Variants in COL6A2 observed in about 807,000 individuals in gnomAD.
COL6A2 encodes collagen type VI alpha 2 chain, also known as collagen alpha-2(VI) chain.
A neutral mutation model predicts 124.9 loss-of-function variants in COL6A2; 90 were observed. That is an observed-to-expected ratio of 0.72 (90% CI 0.61 to 0.86). COL6A2 has a LOEUF of 0.86. Among genes scored for constraint, COL6A2 ranks in the 40% least tolerant of loss-of-function variants. The probability of loss-of-function intolerance (pLI) is 0.00; values close to 1 mark genes in which losing one functional copy is unlikely to be tolerated. For synonymous variants in COL6A2, 793 were observed against 618.2 expected, an observed-to-expected ratio of 1.28 and a Z score of -4.19; for missense variants, 1,607 against 1,502.5, an observed-to-expected ratio of 1.07 and a Z score of -1.15.
rs2123658713 is a variant in COL6A2, at chr21:46,124,703, C to T, written c.1724C>T (p.Pro575Leu). Reference protein sequence around the residue: ...EPGPRGPRGVPGPEGEPGPPG... With the variant: ...EPGPRGPRGVLGPEGEPGPPG... ...GGCCCTCGGGGGCCAAGAGGAGTCC[C>T]AGGACCCGAGGTAGGTTGGTGGCCA... The change falls in exon 22 of 28, where the codon CCA becomes CTA. Residue 575 changes from proline to leucine, a missense_variant. Around this residue, in one of 3 missense-constraint regions of COL6A2, gnomAD observed 1,223 missense variants for 1,052.2 expected, o/e 1.16. Coordinates refer to ENST00000300527, the MANE Select transcript of COL6A2 (RefSeq NM_001849.4). 1 of 1,612,824 alleles carries T rather than the reference C, an allele frequency of 6.2e-7. No homozygotes were observed. The highest frequency in any genetic ancestry group is 2.2e-5 in the East Asian group (1 of 44,860).
Position 46,132,683 on chromosome 21 carries a change from C to T in COL6A2, c.*131C>T, listed in dbSNP as rs1180664698. 5.2e-6 allele frequency: 5 copies of T among 966,334 alleles called. No individual in the cohort carries two copies. Among genetic ancestry groups the T allele is most frequent in the African/African-American group, 3.2e-5 (2 of 61,920 alleles). 59.9% of individuals were successfully genotyped at this position (966,334 alleles called of 1,614,324 possible). A position where few individuals can be genotyped will look rare whatever the true frequency, so the allele number is the denominator to read the frequency against. On this transcript the variant is annotated 3_prime_UTR_variant, in exon 28 of 28. Transcript: ENST00000300527. ...GCCCTGGGCCTGCACCTCTCCAGCT[C>T]CTCCCACGGGGTCCCCGTAGCCCCG...
chr21:46,113,467 C>CT, intron 4 of COL6A2: 1 of 154,774 alleles, frequency 6.5e-6, no homozygotes, highest in African/African-American at 2.4e-5. Flanking sequence ...GCCTTGAACT[C>CT]TGAGGCTCAA....
rs773126842 is a variant in COL6A2 at position 46,116,446 on chromosome 21, C to T, written c.927+43C>T. ...ACAGACCTCAGACCTGCGCCAGCCTCGGCCCAGACCCACCTCTTGGCGTCC... is the reference window on the plus strand; with the variant it reads ...ACAGACCTCAGACCTGCGCCAGCCTTGGCCCAGACCCACCTCTTGGCGTCC... On this transcript the variant is annotated intron_variant, in intron 8 of 27. Transcript: ENST00000300527. The surrounding 1 kb of genome is among the most constrained non-coding windows in gnomAD (Gnocchi z 4.6). The T allele has an allele frequency of 9.3e-6, 15 of 1,611,388 alleles. No individual in the cohort carries two copies. Among genetic ancestry groups the T allele is most frequent in the Admixed American group, 1.7e-5 (1 of 59,980 alleles).
intron 21 of COL6A2, among the ~76,000 whole-genome samples, chr21:46,124,138 GGTAA>G (rs544305400): frequency 5.5e-4 from 84 of 151,498 alleles, no homozygotes; most frequent in African/African-American, 1.4e-3. Flanking sequence ...TGGATAGATG[GGTAA>G]GTGAGTGGAT....
chr21:46,125,416 G>T (rs1256433728), intron 24 of COL6A2, 49 bp from the exon 25 acceptor site: 1 of 1,610,662 alleles, frequency 6.2e-7, no homozygotes, highest in African/African-American at 1.3e-5. Context: ...CGTGACCCTA[G>T]GGTCTGAGGT....
rs537211984 is a variant in COL6A2, at chr21:46,125,798, C to T, written c.1983C>T (p.Gly661=). ...DPKSETGTRV[G]VVQYSHEGTF... The stretch of plus-strand genomic sequence containing the variant: ...TGCGGCTTGCAGGGACGCGTGTGGG[C>T]GTGGTGCAGTACAGCCACGAGGGCA... Residue 661 remains glycine (G), a synonymous_variant, in exon 26 of 28, where the codon GGC becomes GGT. Coordinates refer to ENST00000300527, the MANE Select transcript of COL6A2 (RefSeq NM_001849.4). 13 of 1,612,048 alleles carry T rather than the reference C, an allele frequency of 8.1e-6. 1 individual carries two copies. The highest frequency in any genetic ancestry group is 6.7e-5 in the Admixed American group (4 of 60,004).
chr21:46,113,669 C>G, intron 4 of COL6A2: 1 of 414,596 alleles, frequency 2.4e-6, no homozygotes, highest in South Asian at 2.2e-5. Flanking sequence ...AAGCAGTCCT[C>G]CCTGCCTCGG....
intron 1 of COL6A2, among the ~76,000 whole-genome samples, chr21:46,104,241 G>A (rs2078315395): frequency 6.6e-6 from 1 of 152,090 alleles, no homozygotes. Context: ...GGCTTTGAAA[G>A]AACTATCTTA....
intron 21 of COL6A2, among the ~76,000 whole-genome samples, chr21:46,123,350 A>T (rs1304179478): frequency 1.4e-5 from 2 of 146,812 alleles, no homozygotes; most frequent in Non-Finnish European, 3.0e-5. Flanking sequence ...CAGAGTTCCT[A>T]CACACAGCAT....
chr21:46,117,038 T>C (rs914952696), intron 10 of COL6A2, among the ~76,000 whole-genome samples: 12 of 152,074 alleles, frequency 7.9e-5, no homozygotes, highest in Admixed American at 5.9e-4. Flanking sequence ...ACATCCCGGC[T>C]TGGGGCAGCT....
intron 27 of COL6A2, chr21:46,129,489 TA>T: frequency 6.4e-7 from 1 of 1,574,092 alleles, no homozygotes. Context: ...GGCCCTCTGC[TA>T]AAGCCCGGGC....
intron 1 of COL6A2, chr21:46,098,706 G>T (rs2078253938): frequency 6.6e-6 from 1 of 152,036 alleles, no homozygotes; most frequent in Non-Finnish European, 1.5e-5. Flanking sequence ...GCGGGGAGGG[G>T]ACGCGGGTGG....
intron 14 of COL6A2, 75 bp downstream of exon 14, chr21:46,119,194 A>G: frequency 8.7e-7 from 1 of 1,152,684 alleles, no homozygotes; most frequent in Admixed American, 2.0e-5. Flanking sequence ...ACCATGGGGG[A>G]AGGGCACCTG....
Position 46,132,139 on chromosome 21 carries a change from G to A in COL6A2, c.2647G>A (p.Gly883Ser), listed in dbSNP as rs775211847. ...CGCACGCGTGGCGCTGCTGCAGTTT[G>A]GTGGCCCCGGCGAGCAGCAGGTGGC... is the stretch of plus-strand genomic sequence containing the variant. ...LNARVALLQF[G>S]GPGEQQVAFP... Residue 883 changes from glycine to serine, a missense_variant, in exon 28 of 28, where the codon GGT becomes AGT. Around this residue, in one of 3 missense-constraint regions of COL6A2, gnomAD observed 1,223 missense variants for 1,052.2 expected, o/e 1.16. Transcript: ENST00000300527. 4.4e-6 allele frequency: 7 copies of A among 1,573,644 alleles called. No homozygotes were observed. Among genetic ancestry groups the A allele is most frequent in the East Asian group, 2.4e-5 (1 of 42,028 alleles).
chr21:46,129,897 C>T, intron 27 of COL6A2: 1 of 990,924 alleles, frequency 1.0e-6, no homozygotes, highest in Non-Finnish European at 1.2e-6. Context: ...CTTAGCGGCC[C>T]AGCTGGGCTG....
At chr21:46,128,811 C>A in intron 27 of COL6A2, 1 of 1,043,402 alleles carries the variant, frequency 9.6e-7, no homozygotes, top group South Asian at 1.3e-5. Context: ...CAAGCTTTCT[C>A]AGGCGGGCTC....
chr21:46,112,615 G>T (rs768026352), intron 3 of COL6A2, 38 bp downstream of exon 3: 2 of 1,607,182 alleles, frequency 1.2e-6, no homozygotes, highest in South Asian at 1.1e-5. Flanking sequence ...CGCGCCAGGG[G>T]TGGCCACGGT....
At chr21:46,126,889 G>A (rs575291944) in intron 27 of COL6A2, among the ~76,000 whole-genome samples, 2 of 152,266 alleles carry the variant, frequency 1.3e-5, no homozygotes, top group South Asian at 2.1e-4. Flanking sequence ...CCGTGCATGT[G>A]CCACTCGGAG....
rs2078780553 is a variant in COL6A2, at chr21:46,132,741, T to G, written c.*189T>G. ...CCCAGCCCCAGGTCTCCCCAGGCCC[T>G]CCGCAGGCTGCCCGGCCTCCCTCCC... On this transcript the variant is annotated 3_prime_UTR_variant, in exon 28 of 28. Coordinates refer to ENST00000300527, the MANE Select transcript of COL6A2 (RefSeq NM_001849.4). The G allele has an allele frequency of 1.7e-6, 1 of 597,262 alleles. No individual in the cohort carries two copies. The highest frequency in any genetic ancestry group is 3.1e-5 in the Admixed American group (1 of 31,872). 37.0% of individuals were successfully genotyped at this position (597,262 alleles called of 1,614,324 possible). A position where few individuals can be genotyped will look rare whatever the true frequency, so the allele number is the denominator to read the frequency against.
Sources: allele counts gnomAD v4.1 joint callset (sites outside exome capture counted in the v4.1 genomes callset), GRCh38; gene constraint gnomAD v4.1.1; regional missense constraint gnomAD v4.1.1; non-coding constraint Gnocchi (gnomAD v3.1); transcripts MANE v1.5; gene names NCBI Gene and HGNC (gene_info 2026-07-23, HGNC 2026-07-21).